GHR: variants seen among roughly 807,000 people sequenced by gnomAD.
GHR encodes GH receptor.
A neutral mutation model predicts 67.1 loss-of-function variants in GHR; 35 were observed. The ratio of observed to expected loss-of-function variants is 0.52; its 90% CI spans 0.40 to 0.69. GHR has a LOEUF of 0.69. Among genes scored for constraint, GHR ranks in the 30% least tolerant of loss-of-function variants. The pLI is 0.00. For synonymous variants in GHR, 272 were observed against 269.1 expected (o/e 1.01, Z -0.10); for missense variants, 792 against 764.6 (o/e 1.04, Z -0.42).
At chr5:42,631,926 A>G (rs1170650845) in intron 3 of GHR, among the ~76,000 whole-genome samples, 1 of 152,136 alleles carries the variant, frequency 6.6e-6, no homozygotes, top group African/African-American at 2.4e-5. Context: ...TCATTGAAAT[A>G]TAACCTCTAG....
intron 3 of GHR, among the ~76,000 whole-genome samples, chr5:42,648,185 A>G (rs1471040876): frequency 1.3e-5 from 2 of 152,152 alleles, no homozygotes; most frequent in Non-Finnish European, 2.9e-5. Flanking sequence ...TTATATTTAC[A>G]CCCTAACCAT....
chr5:42,559,772 A>G (rs1193704067), intron 1 of GHR, among the ~76,000 whole-genome samples: 1 of 152,204 alleles, frequency 6.6e-6, no homozygotes, highest in Non-Finnish European at 1.5e-5. Context: ...AAGGAAATAA[A>G]TTCACATAAG....
At chr5:42,448,985 T>C (rs1319635379) in intron 1 of GHR, among the ~76,000 whole-genome samples, 1 of 152,236 alleles carries the variant, frequency 6.6e-6, no homozygotes, top group Non-Finnish European at 1.5e-5. Flanking sequence ...TCTGTTCCAT[T>C]GGCCTATGTG....
chr5:42,490,835 T>A (rs981372607), intron 1 of GHR, among the ~76,000 whole-genome samples: 1 of 152,242 alleles, frequency 6.6e-6, no homozygotes, highest in Non-Finnish European at 1.5e-5. Flanking sequence ...AAGCCATTTT[T>A]CTGTGTTTTA....
At chr5:42,437,476 G>A (rs1366394865) in intron 1 of GHR, among the ~76,000 whole-genome samples, 1 of 151,930 alleles carries the variant, frequency 6.6e-6, no homozygotes, top group Non-Finnish European at 1.5e-5. Context: ...TTTACACACA[G>A]CAGTTCTGAG....
intron 3 of GHR, among the ~76,000 whole-genome samples, chr5:42,641,264 C>A (rs1222416941): frequency 2.6e-5 from 4 of 152,128 alleles, no homozygotes; most frequent in Non-Finnish European, 5.9e-5. Flanking sequence ...CAATCCAAAG[C>A]TCTTTTCTCT....
At chr5:42,535,877 T>C (rs1471855866) in intron 1 of GHR, among the ~76,000 whole-genome samples, 3 of 152,174 alleles carry the variant, frequency 2.0e-5, no homozygotes, top group East Asian at 3.8e-4. Flanking sequence ...TTCAACTCTT[T>C]TGTTAAGTAT....
At chr5:42,697,348 G>C (rs1757723248) in intron 5 of GHR, among the ~76,000 whole-genome samples, 1 of 152,228 alleles carries the variant, frequency 6.6e-6, no homozygotes, top group South Asian at 2.1e-4. Context: ...GATAGAAACT[G>C]TCTTCCCTGG....
At chr5:42,671,993 T>A (rs1313392731) in intron 3 of GHR, among the ~76,000 whole-genome samples, 2 of 143,584 alleles carry the variant, frequency 1.4e-5, no homozygotes, top group Non-Finnish European at 1.5e-5. Flanking sequence ...ATTGAAGGAA[T>A]ATTTCTCAAA....
chr5:42,533,052 A>G (rs1179091643), intron 1 of GHR, among the ~76,000 whole-genome samples: 1 of 152,166 alleles, frequency 6.6e-6, no homozygotes, highest in Non-Finnish European at 1.5e-5. Context: ...CACTCCTACC[A>G]GCAATGAATG....
At chr5:42,448,573 C>CCAT (rs1743914190) in intron 1 of GHR, among the ~76,000 whole-genome samples, 2 of 144,342 alleles carry the variant, frequency 1.4e-5, no homozygotes, top group South Asian at 2.2e-4. Context: ...TATCTGTTTA[C>CCAT]TATTATTATT....
intron 1 of GHR, among the ~76,000 whole-genome samples, chr5:42,450,529 C>G (rs1212652411): frequency 6.6e-6 from 1 of 152,126 alleles, no homozygotes; most frequent in Non-Finnish European, 1.5e-5. Flanking sequence ...GTTAATTTCA[C>G]TAATGGTTTT....
chr5:42,498,557 A>C (rs975436339), intron 1 of GHR, among the ~76,000 whole-genome samples: 1 of 152,198 alleles, frequency 6.6e-6, no homozygotes, highest in Admixed American at 6.5e-5. Context: ...AGCAAATGTC[A>C]TGAGCTTCTT....
intron 3 of GHR, among the ~76,000 whole-genome samples, chr5:42,671,864 G>T (rs1280718399): frequency 1.3e-5 from 2 of 149,684 alleles, no homozygotes; most frequent in East Asian, 4.0e-4. Context: ...GCTGAGGCAG[G>T]AGAATGGCGT....
chr5:42,523,456 C>CT (rs1389028126), intron 1 of GHR, among the ~76,000 whole-genome samples: 2 of 152,014 alleles, frequency 1.3e-5, no homozygotes, highest in Non-Finnish European at 2.9e-5. Flanking sequence ...ATGTTTCAAA[C>CT]TTTTTTATTA....
At position 42,461,707 on chromosome 5, in the gene GHR, T is replaced by C. The variant is rs1744494166; in HGVS notation, c.-12+37752T>C. Among the ~76,000 whole-genome samples the C allele has an allele frequency of 2.0e-5, 3 of 152,354 alleles. No individual in the cohort carries two copies. The South Asian group carries it at 6.2e-4, about 32-fold the overall frequency. On this transcript the variant is annotated intron_variant, in intron 1 of 9. Coordinates refer to ENST00000230882, the MANE Select transcript of GHR (RefSeq NM_000163.5). The stretch of plus-strand genomic sequence containing the variant: ...AGTCTGTCAGCACTTTGGCAGCCAG[T>C]TGTGTTTTGCTGTTGATTCTACCTC...
intron 1 of GHR, among the ~76,000 whole-genome samples, chr5:42,479,382 G>A (rs997282560): frequency 5.9e-5 from 9 of 152,160 alleles, no homozygotes; most frequent in African/African-American, 2.2e-4. Context: ...TTTGGTATCA[G>A]GATGATGCTA....
At position 42,468,393 on chromosome 5, in the gene GHR, TTA is replaced by T. The variant is rs540764126; in HGVS notation, c.-12+44440_-12+44441del. 3.0e-4 allele frequency: 374 copies of T among 1,231,360 alleles called. No individual in the cohort carries two copies. The East Asian group carries it at 7.9e-3, about 26-fold the overall frequency. 76.3% of individuals were successfully genotyped at this position (1,231,360 alleles called of 1,614,324 possible). A position where few individuals can be genotyped will look rare whatever the true frequency, so the allele number is the denominator to read the frequency against. ...GCACAGGTCAAACCCCATCTAAGCTTTATGTTTCAAAAGCTTCTTCTTGAGTT... is the reference window on the plus strand; with the variant it reads ...GCACAGGTCAAACCCCATCTAAGCTTTGTTTCAAAAGCTTCTTCTTGAGTT... On this transcript the variant is annotated intron_variant, in intron 1 of 9. Transcript: ENST00000230882.
At chr5:42,614,404 A>C (rs536561049) in intron 2 of GHR, among the ~76,000 whole-genome samples, 4 of 151,960 alleles carry the variant, frequency 2.6e-5, no homozygotes. Context: ...TTTAAGGCAC[A>C]CATGAATCAC....
Sources: gnomAD v4.1 joint callset for allele counts (sites outside exome capture counted in the v4.1 genomes callset) on GRCh38, gnomAD v4.1.1 for gene constraint, MANE v1.5 for transcripts, NCBI Gene and HGNC (gene_info 2026-07-23, HGNC 2026-07-21) for gene names.